NPIPB2: variants seen among roughly 807,000 people sequenced by gnomAD.
NPIPB2 encodes nuclear pore complex-interacting protein family member B2.
In NPIPB2, 27 loss-of-function variants were observed where a neutral mutation model predicts 30.8. The observed-to-expected ratio is 0.88, with a 90% CI of 0.65 to 1.21. The LOEUF (loss-of-function observed/expected upper bound fraction) is 1.21, where lower values mean the gene tolerates loss of function less well. Among genes scored for constraint, NPIPB2 ranks in the 50% most tolerant of loss-of-function variants. The pLI is 0.00. For missense variants in NPIPB2, 440 were observed against 446.2 expected (o/e 0.99, Z 0.13); for synonymous variants, 147 against 162.0 (o/e 0.91, Z 0.70).
At chr16:11,942,473 C>T (rs1392982211), upstream of NPIPB2, among the ~76,000 whole-genome samples, 2 of 150,464 alleles carry the variant, frequency 1.3e-5, no homozygotes, top group Non-Finnish European at 3.0e-5. Context: ...CAAATCACCC[C>T]TAACCCACCT....
intron 1 of NPIPB2, among the ~76,000 whole-genome samples, chr16:11,953,745 T>A (rs1443906507): frequency 6.7e-6 from 1 of 149,022 alleles, no homozygotes; most frequent in Non-Finnish European, 1.5e-5. Context: ...AGACGGAGCC[T>A]TTCTCTGTGG....
At chr16:11,941,757 G>A (rs1567469626) in intron 1 of NPIPB2, 13 of 918,034 alleles carry the variant, frequency 1.4e-5, no homozygotes, top group Non-Finnish European at 2.0e-5. Flanking sequence ...AGTAGCGCCC[G>A]CATCATTCCA....
intron 1 of NPIPB2, among the ~76,000 whole-genome samples, chr16:11,949,751 C>T (rs528775528): frequency 1.1e-4 from 16 of 152,310 alleles, no homozygotes; most frequent in Admixed American, 6.5e-4. Context: ...GGCAGCCTTG[C>T]TCCCTCTTCT....
chr16:11,961,567 G>T (rs775622101), intron 1 of NPIPB2, among the ~76,000 whole-genome samples: 1 of 151,940 alleles, frequency 6.6e-6, no homozygotes, highest in African/African-American at 2.4e-5. Flanking sequence ...ATCACTTGAG[G>T]TCAGGAGTTC....
At chr16:11,973,050 C>T (rs769050988) in intron 1 of NPIPB2, among the ~76,000 whole-genome samples, 10 of 150,484 alleles carry the variant, frequency 6.6e-5, no homozygotes, top group Non-Finnish European at 1.5e-4. Context: ...ATCCCAGCTA[C>T]TCAGGAGGCT....
rs11570130 is a variant in NPIPB2 at position 11,964,295 on chromosome 16, T to C, written c.-584+12273A>G. On this transcript the variant is annotated intron_variant, in intron 1 of 5. Transcript: ENST00000538896. ...AACATAGATTATTGTATTATTATTA[T>C]AATACCCCAAACCTATCTTCCTCTC... Among the ~76,000 whole-genome samples the C allele has an allele frequency of 3.0e-3, 464 of 152,236 alleles. 2 individuals are homozygous for C. Among genetic ancestry groups the C allele is most frequent in the Middle Eastern group, 0.014 (4 of 292 alleles).
intron 1 of NPIPB2, among the ~76,000 whole-genome samples, chr16:11,955,435 C>G (rs148870302): frequency 4.7e-5 from 7 of 149,458 alleles, no homozygotes; most frequent in African/African-American, 1.7e-4. Context: ...TCTGGCCAGG[C>G]GTGGTGGCTC....
At chr16:11,965,260 G>A in intron 1 of NPIPB2, 1 of 1,597,154 alleles carries the variant, frequency 6.3e-7, no homozygotes, top group Non-Finnish European at 8.5e-7. Context: ...TGGAATTCTT[G>A]TAGAGATATT....
At chr16:11,970,669 G>A (rs1229806150) in intron 1 of NPIPB2, among the ~76,000 whole-genome samples, 1 of 151,988 alleles carries the variant, frequency 6.6e-6, no homozygotes, top group East Asian at 1.9e-4. Context: ...CCGTGTAACT[G>A]GGATTACAGG....
rs553127031 is a variant in NPIPB2, at chr16:11,935,245, A to C, written c.193-1321T>G. On this transcript the variant is annotated intron_variant, in intron 2 of 7. Transcript: ENST00000399147. ...AAGATATTAAATATTTGTTCTCATC[A>C]TAGCTAAAATGCAATGCAAATCCCA... 8.6e-5 allele frequency among the ~76,000 whole-genome samples: 13 copies of C among 152,022 alleles called. No homozygotes were observed. The East Asian group carries it at 2.5e-3, about 29-fold the overall frequency.
chr16:11,951,666 A>ACACACACC (rs1226047972), intron 1 of NPIPB2, among the ~76,000 whole-genome samples: 3,702 of 138,570 alleles, frequency 0.027, 119 homozygotes, highest in East Asian at 0.049. Flanking sequence ...ACACACACAC[A>ACACACACC]CCCAGCCCCC....
chr16:11,965,404 G>T (rs200779776), intron 1 of NPIPB2: 1 of 1,614,098 alleles, frequency 6.2e-7, no homozygotes, highest in Non-Finnish European at 8.5e-7. Context: ...TGTCAACTTC[G>T]ATGTTCTTCT....
chr16:11,967,382 G>C (rs2055203002), intron 1 of NPIPB2, among the ~76,000 whole-genome samples: 1 of 152,166 alleles, frequency 6.6e-6, no homozygotes, highest in Non-Finnish European at 1.5e-5. Context: ...CTGCTCTGTA[G>C]GCTAACGTGG....
chr16:11,942,699 G>C (rs1022431606), upstream of NPIPB2, among the ~76,000 whole-genome samples: 1 of 151,218 alleles, frequency 6.6e-6, no homozygotes, highest in Non-Finnish European at 1.5e-5. Flanking sequence ...ATACCCAGAG[G>C]GCTTGGCAGC....
rs752370165 is a variant in NPIPB2, at chr16:11,927,661, C to T, written c.906G>A (p.Glu302=). The T allele has an allele frequency of 1.9e-6, 3 of 1,597,726 alleles. No homozygotes were observed. In the East Asian group the frequency reaches 6.7e-5, roughly 36 times the overall value. Reference sequence around the variant, plus strand: ...AGGGTGGAAGGGGAGTGAGCAGACACTCGGGAGGTGTCTTGAGATTATCAT... The same window carrying T: ...AGGGTGGAAGGGGAGTGAGCAGACATTCGGGAGGTGTCTTGAGATTATCAT... Residue 302 remains glutamate (E), a synonymous_variant, in exon 8 of 8, where the codon GAG becomes GAA. Transcript: ENST00000399147.
At chr16:11,930,380 T>G in intron 5 of NPIPB2, 70 bp downstream of exon 5, 6 of 1,380,768 alleles carry the variant, frequency 4.3e-6, no homozygotes, top group Non-Finnish European at 5.9e-6. Flanking sequence ...GTCTAAACAT[T>G]GTACAAAGGT....
chr16:11,940,708 C>A (rs902313466), intron 1 of NPIPB2, among the ~76,000 whole-genome samples: 1 of 137,102 alleles, frequency 7.3e-6, no homozygotes, highest in Non-Finnish European at 1.6e-5. Flanking sequence ...TGCAGTGAGC[C>A]GAGATCTTGC....
At chr16:11,942,707 A>C (rs926864582), upstream of NPIPB2, among the ~76,000 whole-genome samples, 43 of 151,120 alleles carry the variant, frequency 2.8e-4, no homozygotes, top group African/African-American at 9.2e-4. Flanking sequence ...AGGGCTTGGC[A>C]GCATCATGTG....
intron 1 of NPIPB2, among the ~76,000 whole-genome samples, chr16:11,947,534 C>T (rs190565638): frequency 8.9e-4 from 134 of 151,388 alleles, no homozygotes; most frequent in Admixed American, 4.5e-3. Context: ...TTAGTAGAGA[C>T]GGGGTTTCAC....
Sources: gnomAD v4.1 joint callset for allele counts (sites outside exome capture counted in the v4.1 genomes callset) on GRCh38, gnomAD v4.1.1 for gene constraint, MANE v1.5 for transcripts, NCBI Gene and HGNC (gene_info 2026-07-23, HGNC 2026-07-21) for gene names.